TAS2R1: variants seen among roughly 807,000 people sequenced by gnomAD.
The protein encoded by TAS2R1 is taste 2 receptor member 1, also known as taste receptor type 2 member 1.
For missense variants in TAS2R1, 370 were observed against 353.4 expected, an observed-to-expected ratio of 1.05 and a Z score of -0.38; for synonymous variants, 141 against 134.2, an observed-to-expected ratio of 1.05 and a Z score of -0.35.
At chr5:9,675,266 G>A (rs1341141440) in intron 1 of TAS2R1, among the ~76,000 whole-genome samples, 2 of 151,336 alleles carry the variant, frequency 1.3e-5, no homozygotes, top group African/African-American at 4.8e-5. Flanking sequence ...GATCCATAGA[G>A]TCATCCTAAT....
At chr5:9,634,669 G>A (rs1739933103), upstream of TAS2R1, among the ~76,000 whole-genome samples, 1 of 151,992 alleles carries the variant, frequency 6.6e-6, no homozygotes, top group Admixed American at 6.6e-5. Flanking sequence ...CACCTCCTTG[G>A]TTAGGTATAT....
At chr5:9,632,807 C>T (rs1739893161), upstream of TAS2R1, among the ~76,000 whole-genome samples, 1 of 152,056 alleles carries the variant, frequency 6.6e-6, no homozygotes. Flanking sequence ...CGGCTATTTC[C>T]TCCACTGAGG....
At chr5:9,780,024 C>T in the TAS2R1 span, among the ~76,000 whole-genome samples, 1 of 152,240 alleles carries the variant, frequency 6.6e-6, no homozygotes, top group Non-Finnish European at 1.5e-5. Context: ...CTGTGTGCCA[C>T]ATACCCTGTG....
chr5:9,712,046 GGGA>G, intron 1 of TAS2R1: 1 of 145,448 alleles, frequency 6.9e-6, no homozygotes, highest in African/African-American at 2.6e-5. Flanking sequence ...GAGGGAGGGA[GGGA>G]GGGAGGGAGG....
chr5:9,800,634 C>T, the TAS2R1 span, among the ~76,000 whole-genome samples: 1 of 152,192 alleles, frequency 6.6e-6, no homozygotes, highest in Non-Finnish European at 1.5e-5. Context: ...AGGGCCAGCT[C>T]TGCAGCACCT....
intron 1 of TAS2R1, among the ~76,000 whole-genome samples, chr5:9,682,443 A>C (rs1741011067): frequency 6.6e-6 from 1 of 152,112 alleles, no homozygotes; most frequent in Non-Finnish European, 1.5e-5. Flanking sequence ...AATCCAAAGA[A>C]AGTAGAAAGA....
the TAS2R1 span, among the ~76,000 whole-genome samples, chr5:9,884,618 T>A: frequency 2.6e-5 from 4 of 152,220 alleles, no homozygotes; most frequent in Non-Finnish European, 1.5e-5. Flanking sequence ...AAGTTACTAT[T>A]ATTTATTACT....
chr5:9,734,538 AGAGAT>A, the TAS2R1 span, among the ~76,000 whole-genome samples: 2 of 152,216 alleles, frequency 1.3e-5, no homozygotes, highest in African/African-American at 2.4e-5. Context: ...AAAATAGATC[AGAGAT>A]AAGATTAATC....
chr5:9,891,079 C>G, the TAS2R1 span, among the ~76,000 whole-genome samples: 1 of 152,174 alleles, frequency 6.6e-6, no homozygotes, highest in Non-Finnish European at 1.5e-5. Flanking sequence ...TTTAAAATCT[C>G]ATTCTCTCTC....
chr5:9,641,116 A>T (rs544688111), intron 2 of TAS2R1, among the ~76,000 whole-genome samples: 1 of 152,332 alleles, frequency 6.6e-6, no homozygotes, highest in South Asian at 2.1e-4. Context: ...ATAGCAATAC[A>T]GTTTTTCGGC....
intron 2 of TAS2R1, among the ~76,000 whole-genome samples, chr5:9,648,502 C>G (rs1278148509): frequency 6.6e-6 from 1 of 151,976 alleles, no homozygotes. Context: ...GTCTCTGAAT[C>G]GTGGGGAACA....
chr5:9,691,605 A>G (rs1254087286), intron 1 of TAS2R1, among the ~76,000 whole-genome samples: 1 of 152,234 alleles, frequency 6.6e-6, no homozygotes, highest in Non-Finnish European at 1.5e-5. Flanking sequence ...TAAAAAGGGG[A>G]TTGAGAAAGC....
At chr5:9,805,677 CAT>C in the TAS2R1 span, among the ~76,000 whole-genome samples, 12 of 151,788 alleles carry the variant, frequency 7.9e-5, no homozygotes, top group Non-Finnish European at 1.6e-4. Flanking sequence ...TGCAGAAAAA[CAT>C]GTGACAAAAT....
chr5:9,743,819 TGAG>T, the TAS2R1 span, among the ~76,000 whole-genome samples: 9 of 151,856 alleles, frequency 5.9e-5, no homozygotes, highest in Admixed American at 4.6e-4. Flanking sequence ...CAAAGGCAAG[TGAG>T]GAGGAGGAGG....
At chr5:9,793,403 G>A in the TAS2R1 span, among the ~76,000 whole-genome samples, 1 of 152,100 alleles carries the variant, frequency 6.6e-6, no homozygotes, top group Non-Finnish European at 1.5e-5. Flanking sequence ...TTCAACTCAG[G>A]TAACTAAGAA....
chr5:9,902,734 T>C, the TAS2R1 span: 1 of 151,918 alleles, frequency 6.6e-6, no homozygotes, highest in Non-Finnish European at 1.5e-5. Context: ...ACAGTTGCTA[T>C]AAACTCAGCG....
intron 1 of TAS2R1, among the ~76,000 whole-genome samples, chr5:9,669,392 C>T (rs1053313313): frequency 6.6e-6 from 1 of 152,148 alleles, no homozygotes; most frequent in South Asian, 2.1e-4. Context: ...GACTTGATCT[C>T]AACATTTGAC....
chr5:9,710,914 TTA>T (rs1317279325), intron 1 of TAS2R1, among the ~76,000 whole-genome samples: 1 of 146,140 alleles, frequency 6.8e-6, no homozygotes, highest in Non-Finnish European at 1.5e-5. Flanking sequence ...TATAACCAGA[TTA>T]TATATATTAT....
At chr5:9,776,706 G>A in the TAS2R1 span, among the ~76,000 whole-genome samples, 1 of 152,100 alleles carries the variant, frequency 6.6e-6, no homozygotes, top group African/African-American at 2.4e-5. Context: ...TGCTTGACGT[G>A]GAAAGTGGAA....
Sources: gnomAD v4.1 joint callset for allele counts (sites outside exome capture counted in the v4.1 genomes callset) on GRCh38, gnomAD v4.1.1 for gene constraint, MANE v1.5 for transcripts, NCBI Gene and HGNC (gene_info 2026-07-23, HGNC 2026-07-21) for gene names.